Variants in ZAN observed in about 807,000 individuals in gnomAD.
ZAN encodes the protein zonadhesin (gene/pseudogene).
A neutral mutation model predicts 286.2 loss-of-function variants in ZAN; 260 were observed. The observed-to-expected ratio is 0.91, with a 90% CI of 0.82 to 1.01. The LOEUF is 1.01. Ranked by LOEUF, ZAN falls within the 50% of genes least tolerant of loss-of-function variation. ZAN has a pLI of 0.00. For synonymous variants in ZAN, 1,368 were observed against 1,417.5 expected (o/e 0.97, Z 0.79); for missense variants, 3,410 against 3,639.2 (o/e 0.94, Z 1.62).
At position 100,765,400 on chromosome 7, in the gene ZAN, G is replaced by T. The variant is rs1479485192; in HGVS notation, c.4316G>T (p.Cys1439Phe). The T allele has an allele frequency of 6.2e-7, 1 of 1,613,840 alleles. No individual in the cohort carries two copies. The highest frequency in any genetic ancestry group is 2.2e-5 in the East Asian group (1 of 44,888). ...AAGTACTCCCTGTGTGCGAAGCCAT[G>T]CCCTGACACCTGCCATTCAGGATTC... ...NSKYSLCAKP[C>F]PDTCHSGFSG... Residue 1439 changes from cysteine to phenylalanine, a missense_variant, in exon 23 of 48, where the codon TGC becomes TTC. This residue lies in a region of ZAN where 1,042 missense variants were observed against 1,058.0 expected (regional missense o/e 0.98). Coordinates refer to ENST00000613979, the MANE Select transcript of ZAN (RefSeq NM_003386.3).
Position 100,775,379 on chromosome 7 carries a change from G to C in ZAN, c.5831G>C (p.Gly1944Ala). ...GAGTCCCACTACGTGAGCTTTGATG[G>C]TAGTAACCATTCTATCCCGGACGCC... ...PGESHYVSFDGSNHSIPDACT... is the reference protein window; with the variant it reads ...PGESHYVSFDASNHSIPDACT... The change falls in exon 32 of 48, where the codon GGT becomes GCT. Residue 1944 changes from glycine to alanine, a missense_variant. Transcript: ENST00000613979. The C allele has an allele frequency of 6.2e-7, 1 of 1,613,814 alleles. No homozygotes were observed. Among genetic ancestry groups the C allele is most frequent in the Non-Finnish European group, 8.5e-7 (1 of 1,179,864 alleles).
rs753550283 is a variant in ZAN at position 100,792,064 on chromosome 7, G to A, written c.7628G>A (p.Ser2543Asn). Reference sequence around the variant, plus strand: ...AGCCCGGAGCAGCTGGCGAGCAACAGCACCCAGGCCTGTAGGGTGCTGGCA... The same window carrying A: ...AGCCCGGAGCAGCTGGCGAGCAACAACACCCAGGCCTGTAGGGTGCTGGCA... ...ECSPEQLASNSTQACRVLADP... is the reference protein window; with the variant it reads ...ECSPEQLASNNTQACRVLADP... Residue 2543 changes from serine to asparagine, a missense_variant, in exon 41 of 48, where the codon AGC (serine) becomes AAC (asparagine). Physicochemically the swap from Ser to Asn is conservative, Grantham distance 46. Around this residue, in one of 7 missense-constraint regions of ZAN, gnomAD observed 1,289 missense variants for 1,314.3 expected, o/e 0.98. Coordinates refer to ENST00000613979, the MANE Select transcript of ZAN (RefSeq NM_003386.3). The A allele has an allele frequency of 1.2e-5, 20 of 1,613,188 alleles. No individual in the cohort carries two copies. The highest frequency in any genetic ancestry group is 1.7e-5 in the Non-Finnish European group (20 of 1,179,764).
intron 19 of ZAN, among the ~76,000 whole-genome samples, chr7:100,761,639 TAAATAAAA>T (rs1382991925): frequency 6.6e-6 from 1 of 150,820 alleles, no homozygotes; most frequent in Non-Finnish European, 1.5e-5. Flanking sequence ...ATCTCTAAAA[TAAATAAAA>T]AAATAAATAA....
chr7:100,769,285 C>T (rs1030476317), intron 27 of ZAN, among the ~76,000 whole-genome samples: 22 of 150,018 alleles, frequency 1.5e-4, no homozygotes, highest in African/African-American at 4.7e-4. Context: ...TTTGAGACAG[C>T]GCTTCTCCGT....
At chr7:100,787,837 C>T (rs61256171) in intron 37 of ZAN, 52 bp from the exon 38 acceptor site, 5 of 1,422,406 alleles carry the variant, frequency 3.5e-6, no homozygotes, top group South Asian at 3.2e-5. Context: ...CCTGGGATTA[C>T]AGGCGTGAGC....
At chr7:100,778,799 G>A (rs1348452066) in intron 34 of ZAN, among the ~76,000 whole-genome samples, 1 of 151,996 alleles carries the variant, frequency 6.6e-6, no homozygotes, top group Non-Finnish European at 1.5e-5. Context: ...TCGCGAGGCC[G>A]AGGCGGGTGG....
chr7:100,736,065 C>T (rs182164524), intron 3 of ZAN, among the ~76,000 whole-genome samples: 1 of 141,770 alleles, frequency 7.1e-6, no homozygotes, highest in African/African-American at 2.6e-5. Context: ...ACCTGTCATC[C>T]CAACACTTAG....
rs756876414 is a variant in ZAN at position 100,767,840 on chromosome 7, C to T, written c.4870C>T (p.His1624Tyr). The change falls in exon 26 of 48, where the codon CAT becomes TAT. Residue 1624 changes from histidine to tyrosine, a missense_variant. This residue lies in a region of ZAN where 1,042 missense variants were observed against 1,058.0 expected (regional missense o/e 0.98). Transcript: ENST00000613979. ...LRGCKVMLNG[H>Y]RVALPVWLAQ... ...CTCCCTGCCTCTGCAGCTGAATGGCCATCGGGTGGCCCTACCTGTGTGGCT... is the reference window on the plus strand; with the variant it reads ...CTCCCTGCCTCTGCAGCTGAATGGCTATCGGGTGGCCCTACCTGTGTGGCT... 6.2e-7 allele frequency: 1 copy of T among 1,612,828 alleles called. No individual in the cohort carries two copies. The highest frequency in any genetic ancestry group is 1.1e-5 in the South Asian group (1 of 90,934).
Position 100,755,395 on chromosome 7 carries a change from C to A in ZAN, c.3294C>A (p.Asn1098Lys). 1 of 1,613,204 alleles carries A rather than the reference C, an allele frequency of 6.2e-7. No homozygotes were observed. The highest frequency in any genetic ancestry group is 2.2e-5 in the East Asian group (1 of 44,892). ...IQASSCNCFY[N>K]NDYYEPGAEW... Reference sequence around the variant, plus strand: ...CCTCTTCCTGCAATTGCTTCTACAACAACGACTACTATGAGGTAAGCCCCC... The same window carrying A: ...CCTCTTCCTGCAATTGCTTCTACAAAAACGACTACTATGAGGTAAGCCCCC... Residue 1098 changes from asparagine (N) to lysine (K), a missense_variant, in exon 15 of 48, where the codon AAC (asparagine) becomes AAA (lysine). By Grantham distance (94) the Asn-to-Lys change is moderately conservative. Coordinates refer to ENST00000613979, the MANE Select transcript of ZAN (RefSeq NM_003386.3).
chr7:100,786,252 G>C, intron 37 of ZAN, 111 bp downstream of exon 37: 2 of 1,478,408 alleles, frequency 1.4e-6, no homozygotes, highest in East Asian at 2.3e-5. Context: ...CACAGTCAGG[G>C]GTTGGGGCGG....
intron 40 of ZAN, 122 bp downstream of exon 40, chr7:100,791,235 G>C: frequency 2.3e-6 from 3 of 1,287,694 alleles, no homozygotes; most frequent in Non-Finnish European, 3.1e-6. Flanking sequence ...GATAGGCCTG[G>C]ATCCTCCCAA....
chr7:100,749,316 G>A (rs1448800691), intron 11 of ZAN, among the ~76,000 whole-genome samples: 6 of 150,900 alleles, frequency 4.0e-5, no homozygotes, highest in Admixed American at 6.6e-5. Flanking sequence ...CACTCCATCC[G>A]GGGCAACAGA....
chr7:100,779,014 TACAGTGGG>T, intron 34 of ZAN, among the ~76,000 whole-genome samples: 2 of 148,740 alleles, frequency 1.3e-5, no homozygotes, highest in East Asian at 4.0e-4. Flanking sequence ...GCCTGGGCGA[TACAGTGGG>T]ACCTTGTCTC....
At position 100,776,562 on chromosome 7, in the gene ZAN, A is replaced by G. The variant is rs1272628404; in HGVS notation, c.6315A>G (p.Pro2105=). The change falls in exon 34 of 48, where the codon CCA becomes CCG. Residue 2105 remains proline (P), a splice_region_variant and synonymous_variant. Coordinates refer to ENST00000613979, the MANE Select transcript of ZAN (RefSeq NM_003386.3). Reference sequence around the variant, plus strand: ...GTTGGAAAGATAAGGACATTGACCCAAGGTAGTGGTCCCCTAAGACCCTCT... The same window carrying G: ...GTTGGAAAGATAAGGACATTGACCCGAGGTAGTGGTCCCCTAAGACCCTCT... ...VNSWKDKDID[P]SCQSLLVDEQ... The G allele has an allele frequency of 6.4e-7, 1 of 1,552,692 alleles. No homozygotes were observed. Among genetic ancestry groups the G allele is most frequent in the Admixed American group, 2.0e-5 (1 of 50,970 alleles).
In ZAN at chr7:100,790,880, A is replaced by T. The variant is rs981444628; in HGVS notation, c.7358-62A>T. 5.5e-5 allele frequency: 7 copies of T among 126,400 alleles called. No individual in the cohort carries two copies. In the East Asian group the frequency reaches 7.6e-4, roughly 14 times the overall value. The allele number at this position is 126,400 out of a possible 1,614,324, so 7.8% of individuals were successfully genotyped here. ...CCTGGGCAACAGAGCAAGACTGTCTAAAAAAAAAAAAAAAAAAAAGAGTGA... is the reference window on the plus strand; with the variant it reads ...CCTGGGCAACAGAGCAAGACTGTCTTAAAAAAAAAAAAAAAAAAAGAGTGA... On this transcript the variant is annotated intron_variant, in intron 39 of 47. Transcript: ENST00000613979.
At chr7:100,773,524 T>C (rs756624770) in intron 30 of ZAN, 31 bp downstream of exon 30, 21 of 1,607,592 alleles carry the variant, frequency 1.3e-5, no homozygotes, top group Non-Finnish European at 5.9e-6. Flanking sequence ...GGCCCCGCCC[T>C]TTCCAGGCCC....
chr7:100,775,732 A>AG lies in ZAN; in HGVS notation c.6092dup (p.Ser2031ArgfsTer8). ...GATCCCTGGGGTCAGTGTCAAGTCC[A>AG]GCAGCATCTACAGCATTGTTAACAT... is the stretch of plus-strand genomic sequence containing the variant. On this transcript the variant is annotated frameshift_variant, in exon 33 of 48. Transcript: ENST00000613979. LOFTEE classifies it high-confidence loss of function. 6.2e-7 allele frequency: 1 copy of AG among 1,613,980 alleles called. No homozygotes were observed.
intron 29 of ZAN, among the ~76,000 whole-genome samples, chr7:100,772,588 G>A (rs1013622658): frequency 6.6e-6 from 1 of 151,992 alleles, no homozygotes; most frequent in African/African-American, 2.4e-5. Context: ...TTGGGAGGCC[G>A]AGGCAGGTGG....
rs314300 is a variant in ZAN at position 100,776,465 on chromosome 7, A to G, written c.6218A>G (p.Asn2073Ser). 0.48 allele frequency: 769,222 copies of G among 1,603,222 alleles called. 197,259 individuals are homozygous for G. The highest frequency in any genetic ancestry group is 0.6 in the Middle Eastern group (3,627 of 6,056). Reference protein sequence around the residue: ...GKVCGMCGNFNDEEEDELMMP... With the variant: ...GKVCGMCGNFSDEEEDELMMP... ...GTCTGCGGCATGTGTGGGAACTTCA[A>G]TGATGAGGAAGAGGACGAACTAATG... The change falls in exon 34 of 48, where the codon AAT becomes AGT. Residue 2073 changes from asparagine to serine, a missense_variant. Physicochemically the swap from Asn to Ser is conservative, Grantham distance 46 (BLOSUM62 1). This residue lies in a region of ZAN where 1,289 missense variants were observed against 1,314.3 expected (regional missense o/e 0.98). Transcript: ENST00000613979.
Sources: allele counts gnomAD v4.1 joint callset (sites outside exome capture counted in the v4.1 genomes callset), GRCh38; gene constraint gnomAD v4.1.1; regional missense constraint gnomAD v4.1.1; transcripts MANE v1.5; gene names NCBI Gene and HGNC (gene_info 2026-07-23, HGNC 2026-07-21).